Variants in ADAM22 observed in about 807,000 individuals in gnomAD.
ADAM22 encodes disintegrin and metalloproteinase domain-containing protein 22.
A neutral mutation model predicts 144.6 loss-of-function variants in ADAM22; 65 were observed. The ratio of observed to expected loss-of-function variants is 0.45; its 90% CI spans 0.37 to 0.55. The LOEUF (loss-of-function observed/expected upper bound fraction) is 0.55, where lower values mean the gene tolerates loss of function less well. ADAM22 is among the 20% of genes least tolerant of loss of function. The pLI, the probability that ADAM22 is intolerant of heterozygous loss-of-function variation, is 0.00. For synonymous variants in ADAM22, 391 were observed against 412.6 expected (o/e 0.95, Z 0.63); for missense variants, 974 against 1,184.9 (o/e 0.82, Z 2.61).
chr7:88,175,519 C>T (rs1055853866), intron 26 of ADAM22, among the ~76,000 whole-genome samples: 8 of 151,976 alleles, frequency 5.3e-5, no homozygotes, highest in Non-Finnish European at 5.9e-5. Context: ...GGGAGAGATA[C>T]GTTTTGAGGG....
intron 26 of ADAM22, 37 bp downstream of exon 26, chr7:88,171,598 G>A (rs1196799526): frequency 1.2e-5 from 19 of 1,539,520 alleles, no homozygotes; most frequent in Non-Finnish European, 1.6e-5. Context: ...AAAACTGAAA[G>A]GTTTGACTCA....
At chr7:88,171,607 C>T (rs1436835013) in intron 26 of ADAM22, 46 bp downstream of exon 26, 8 of 1,503,296 alleles carry the variant, frequency 5.3e-6, no homozygotes, top group South Asian at 1.3e-5. Flanking sequence ...AGGTTTGACT[C>T]ATATTAGCAT....
At chr7:88,100,465 G>A (rs1822604903) in intron 4 of ADAM22, among the ~76,000 whole-genome samples, 1 of 152,098 alleles carries the variant, frequency 6.6e-6, no homozygotes, top group Non-Finnish European at 1.5e-5. Context: ...TTAGCCTTTA[G>A]AATCAGATAC....
intron 24 of ADAM22, 51 bp from the exon 25 acceptor site, chr7:88,168,086 T>C: frequency 6.6e-7 from 1 of 1,515,922 alleles, no homozygotes; most frequent in Non-Finnish European, 9.1e-7. Flanking sequence ...ATAAAGTTTC[T>C]GAAAGGATTT....
chr7:88,077,729 C>T (rs553175796), intron 4 of ADAM22, among the ~76,000 whole-genome samples: 9 of 152,306 alleles, frequency 5.9e-5, no homozygotes, highest in South Asian at 4.1e-4. Flanking sequence ...CCTACACCCA[C>T]GGAGTCTCGC....
intron 14 of ADAM22, among the ~76,000 whole-genome samples, chr7:88,138,396 G>A (rs769785329): frequency 6.6e-6 from 1 of 152,116 alleles, no homozygotes; most frequent in Non-Finnish European, 1.5e-5. Context: ...CTTCAGATAC[G>A]TACAGCTGTG....
intron 3 of ADAM22, among the ~76,000 whole-genome samples, chr7:87,981,534 G>A (rs946360762): frequency 1.3e-5 from 2 of 152,130 alleles, no homozygotes; most frequent in Non-Finnish European, 1.5e-5. Flanking sequence ...AATGGGAGGT[G>A]GTGTGGGGAT....
At chr7:88,175,526 AG>A (rs1172720196) in intron 26 of ADAM22, among the ~76,000 whole-genome samples, 2 of 152,152 alleles carry the variant, frequency 1.3e-5, no homozygotes, top group Non-Finnish European at 2.9e-5. Flanking sequence ...ATACGTTTTG[AG>A]GGGGAAAAAA....
At position 88,009,464 on chromosome 7, in the gene ADAM22, C is replaced by T. The variant is rs190848895; in HGVS notation, c.323+31052C>T. ...ATTTTAGTTGTTTAATGAATTTTTT[C>T]CAAAATTACAAAAGAAGTAGTCTTT... On this transcript the variant is annotated intron_variant, in intron 3 of 31. Transcript: ENST00000413139. Among the ~76,000 whole-genome samples the T allele has an allele frequency of 2.8e-3, 426 of 151,884 alleles. 2 individuals are homozygous for T. Among genetic ancestry groups the T allele is most frequent in the Non-Finnish European group, 4.9e-3 (333 of 67,934 alleles).
At chr7:88,135,349 T>C (rs560800277) in intron 13 of ADAM22, among the ~76,000 whole-genome samples, 1 of 148,722 alleles carries the variant, frequency 6.7e-6, no homozygotes, top group Non-Finnish European at 1.5e-5. Context: ...GATGATTGAG[T>C]GCCAGTATTA....
rs1849160110 is a variant in ADAM22, at chr7:87,966,727, T to TTTTG, written c.247-11606_247-11605insGTTT. 2.4e-5 allele frequency among the ~76,000 whole-genome samples: 3 copies of TTTTG among 125,752 alleles called. 1 individual carries two copies. The highest frequency in any genetic ancestry group is 9.2e-5 in the African/African-American group (3 of 32,686). The allele number at this position is 125,752 out of a possible 152,430, so 82.5% of individuals were successfully genotyped here. A position where few individuals can be genotyped will look rare whatever the true frequency, so the allele number is the denominator to read the frequency against. The stretch of plus-strand genomic sequence containing the variant: ...ATCTTATCCAAGGAAAGCCGTTTTT[T>TTTTG]TTTTTTTTTTTTTTTTTTTTTTTTT... On this transcript the variant is annotated intron_variant, in intron 2 of 31. Transcript: ENST00000413139.
intron 12 of ADAM22, among the ~76,000 whole-genome samples, chr7:88,133,976 ATTTAAT>A (rs772984590): frequency 2.2e-4 from 33 of 152,282 alleles, no homozygotes; most frequent in Admixed American, 5.2e-4. Flanking sequence ...AAATTTACAG[ATTTAAT>A]TTTATTTTGT....
intron 22 of ADAM22, among the ~76,000 whole-genome samples, 163 bp downstream of exon 22, chr7:88,156,169 A>T (rs143499020): frequency 2.4e-4 from 37 of 152,314 alleles, no homozygotes; most frequent in African/African-American, 8.7e-4. Flanking sequence ...GATAAAAAGA[A>T]GATAAAAAAT....
intron 28 of ADAM22, 118 bp downstream of exon 28, chr7:88,181,723 G>T: frequency 1.1e-6 from 1 of 931,680 alleles, no homozygotes; most frequent in South Asian, 1.7e-5. Flanking sequence ...CAACAGAGAG[G>T]AGAATATGTA....
chr7:87,969,966 A>T (rs770140219), intron 2 of ADAM22, among the ~76,000 whole-genome samples: 2 of 152,216 alleles, frequency 1.3e-5, no homozygotes, highest in Non-Finnish European at 2.9e-5. Context: ...GACAGAAAAC[A>T]CTAATGTTCT....
intron 7 of ADAM22, among the ~76,000 whole-genome samples, chr7:88,122,724 C>T (rs748830649): frequency 2.6e-5 from 4 of 152,170 alleles, no homozygotes; most frequent in Admixed American, 6.6e-5. Context: ...CAGCTATAGA[C>T]ATTCCCTTAC....
chr7:88,062,702 G>A (rs1418805763), intron 3 of ADAM22, among the ~76,000 whole-genome samples: 3 of 152,212 alleles, frequency 2.0e-5, no homozygotes, highest in African/African-American at 7.2e-5. Flanking sequence ...CTTTCAACAT[G>A]CCTTCCTCAC....
At chr7:88,159,557 C>G (rs1183243742) in intron 22 of ADAM22, among the ~76,000 whole-genome samples, 1 of 152,100 alleles carries the variant, frequency 6.6e-6, no homozygotes, top group East Asian at 1.9e-4. Flanking sequence ...TCATATCCAC[C>G]ATAATCAGGT....
At chr7:87,993,957 A>G (rs547083198) in intron 3 of ADAM22, among the ~76,000 whole-genome samples, 2 of 152,292 alleles carry the variant, frequency 1.3e-5, no homozygotes, top group Admixed American at 6.5e-5. Flanking sequence ...GAGATTCCAC[A>G]TATTCAAGCA....
Sources: gnomAD v4.1 joint callset for allele counts (sites outside exome capture counted in the v4.1 genomes callset) on GRCh38, gnomAD v4.1.1 for gene constraint, MANE v1.5 for transcripts, NCBI Gene and HGNC (gene_info 2026-07-23, HGNC 2026-07-21) for gene names.